Variants in SPACA7 observed in about 807,000 individuals in gnomAD.
SPACA7 encodes the protein sperm acrosome-associated protein 7.
SPACA7 carries 19 observed loss-of-function variants against 26.3 expected under a neutral mutation model. That is an observed-to-expected ratio of 0.72 (90% CI 0.50 to 1.06). The LOEUF is 1.06. Ranked by LOEUF, SPACA7 falls within the 50% of genes least tolerant of loss-of-function variation. SPACA7 has a pLI of 0.00. For synonymous variants in SPACA7, 84 were observed against 84.5 expected (o/e 0.99, Z 0.04); for missense variants, 211 against 229.9 (o/e 0.92, Z 0.53).
intron 6 of SPACA7, among the ~76,000 whole-genome samples, 186 bp from the exon 7 acceptor site, chr13:112,434,299 G>T (rs1208602406): frequency 6.6e-6 from 1 of 152,126 alleles, no homozygotes; most frequent in Non-Finnish European, 1.5e-5. Flanking sequence ...AGAGCCAAAG[G>T]CAGCCTGACG....
At chr13:112,383,105 G>GAA (rs533420217) in intron 1 of SPACA7, among the ~76,000 whole-genome samples, 1 of 19,152 alleles carries the variant, frequency 5.2e-5, no homozygotes, top group Non-Finnish European at 1.5e-4. Flanking sequence ...AAAGAAGAAA[G>GAA]AAAAGAAAAG....
At chr13:112,394,837 C>G (rs1055201888) in intron 2 of SPACA7, among the ~76,000 whole-genome samples, 4 of 152,214 alleles carry the variant, frequency 2.6e-5, no homozygotes, top group African/African-American at 9.6e-5. Context: ...GAAAAGGATT[C>G]TGGAAGAGGA....
intron 1 of SPACA7, among the ~76,000 whole-genome samples, chr13:112,392,641 A>G (rs913450): frequency 0.13 from 19,707 of 152,138 alleles, 3,167 homozygotes; most frequent in African/African-American, 0.37. Flanking sequence ...CAAGAGGAAC[A>G]TGCCCTCTTA....
chr13:112,387,420 T>G (rs915158489), intron 1 of SPACA7, among the ~76,000 whole-genome samples: 5 of 152,234 alleles, frequency 3.3e-5, no homozygotes, highest in Admixed American at 3.3e-4. Context: ...CCACATTCTA[T>G]CCTGTGATAC....
At chr13:112,391,320 A>T (rs1884872756) in intron 1 of SPACA7, among the ~76,000 whole-genome samples, 2 of 152,140 alleles carry the variant, frequency 1.3e-5, no homozygotes, top group Non-Finnish European at 2.9e-5. Flanking sequence ...GTCCTTAATG[A>T]CTCAGTGGGC....
intron 1 of SPACA7, among the ~76,000 whole-genome samples, chr13:112,385,904 T>C (rs1887040064): frequency 6.6e-6 from 1 of 152,200 alleles, no homozygotes; most frequent in Admixed American, 6.5e-5. Context: ...AGATTTTTCA[T>C]TGGCCAGTTT....
At chr13:112,401,497 G>A (rs1227572813) in intron 5 of SPACA7, among the ~76,000 whole-genome samples, 1 of 152,162 alleles carries the variant, frequency 6.6e-6, no homozygotes, top group Non-Finnish European at 1.5e-5. Flanking sequence ...TTTAGAGAGA[G>A]AGAGATGATA....
chr13:112,380,907 A>T (rs1007684397), intron 1 of SPACA7, among the ~76,000 whole-genome samples: 6 of 152,236 alleles, frequency 3.9e-5, no homozygotes, highest in Non-Finnish European at 5.9e-5. Flanking sequence ...TGTGTCACAT[A>T]TAGCATTCTG....
chr13:112,417,863 T>C (rs1379367048), intron 5 of SPACA7, among the ~76,000 whole-genome samples: 2 of 152,224 alleles, frequency 1.3e-5, no homozygotes, highest in African/African-American at 2.4e-5. Context: ...ACAGAGATTC[T>C]TCACTATAAC....
Position 112,399,185 on chromosome 13 carries a change from C to A in SPACA7, c.349+12C>A. 7.5e-7 allele frequency: 1 copy of A among 1,334,546 alleles called. No individual in the cohort carries two copies. Among genetic ancestry groups the A allele is most frequent in the Non-Finnish European group, 1.1e-6 (1 of 925,056 alleles). The allele number at this position is 1,334,546 out of a possible 1,614,324, so 82.7% of individuals were successfully genotyped here. On this transcript the variant is annotated intron_variant, in intron 4 of 6. Transcript: ENST00000283550. The stretch of plus-strand genomic sequence containing the variant: ...AATTTCCAATGATGGTAAATGCAAC[C>A]CAGTAATTACCCCTTCCCAAGTCCA...
At chr13:112,393,758 C>T (rs181204540) in intron 2 of SPACA7, among the ~76,000 whole-genome samples, 3 of 152,214 alleles carry the variant, frequency 2.0e-5, no homozygotes, top group South Asian at 2.1e-4. Context: ...GAGGCCAAAG[C>T]GGGCAGATCA....
chr13:112,410,519 CAT>C lies in SPACA7; in HGVS notation c.445+9357_445+9358del, dbSNP rs201729171. 5.8e-3 allele frequency among the ~76,000 whole-genome samples: 876 copies of C among 152,012 alleles called. 3 individuals carry two copies. Among genetic ancestry groups the C allele is most frequent in the African/African-American group, 0.019 (799 of 41,456 alleles). ...CTTAAAAAGAAATAAAATTCTGACA[CAT>C]AGTAAAACAGTGATGACCCTTGCAG... is the stretch of plus-strand genomic sequence containing the variant. On this transcript the variant is annotated intron_variant, in intron 5 of 6. Coordinates refer to ENST00000283550, the MANE Select transcript of SPACA7 (RefSeq NM_145248.5).
intron 5 of SPACA7, among the ~76,000 whole-genome samples, chr13:112,430,174 C>CTGCGTGTGTGTG: frequency 7.4e-6 from 1 of 134,314 alleles, no homozygotes; most frequent in Admixed American, 7.3e-5. Flanking sequence ...ATCTCTCTCT[C>CTGCGTGTGTGTG]TGTGTGTGTG....
intron 1 of SPACA7, chr13:112,382,439 A>T: frequency 6.5e-7 from 1 of 1,549,882 alleles, no homozygotes; most frequent in Non-Finnish European, 8.7e-7. Context: ...GAAGATGGGA[A>T]AAGGCTGTCA....
intron 1 of SPACA7, among the ~76,000 whole-genome samples, chr13:112,381,263 G>A (rs758119159): frequency 2.0e-5 from 3 of 152,096 alleles, no homozygotes; most frequent in Non-Finnish European, 2.9e-5. Context: ...GTTAAAGCTG[G>A]TGGATCACTT....
At chr13:112,415,241 G>A (rs1256093246) in intron 5 of SPACA7, among the ~76,000 whole-genome samples, 2 of 152,060 alleles carry the variant, frequency 1.3e-5, no homozygotes, top group African/African-American at 2.4e-5. Context: ...TCTCATGGCC[G>A]CCACAGCTGG....
chr13:112,433,071 T>A (rs909220599), intron 6 of SPACA7, among the ~76,000 whole-genome samples: 3 of 152,062 alleles, frequency 2.0e-5, no homozygotes, highest in Admixed American at 6.5e-5. Context: ...CCAGAACACC[T>A]GGGAGCCAGT....
intron 6 of SPACA7, among the ~76,000 whole-genome samples, 165 bp downstream of exon 6, chr13:112,432,686 A>C (rs1204907611): frequency 6.6e-6 from 1 of 152,156 alleles, no homozygotes; most frequent in East Asian, 1.9e-4. Flanking sequence ...GATGTGTGGA[A>C]ACCTGACCAG....
At chr13:112,429,450 G>T (rs577697082) in intron 5 of SPACA7, among the ~76,000 whole-genome samples, 2 of 151,152 alleles carry the variant, frequency 1.3e-5, no homozygotes, top group African/African-American at 4.8e-5. Context: ...TATACTTTGA[G>T]ATTTAAGTAA....
Sources: allele counts gnomAD v4.1 joint callset (sites outside exome capture counted in the v4.1 genomes callset), GRCh38; gene constraint gnomAD v4.1.1; transcripts MANE v1.5; gene names NCBI Gene and HGNC (gene_info 2026-07-23, HGNC 2026-07-21).